ASZ1: variants seen among roughly 807,000 people sequenced by gnomAD.
ASZ1 encodes the protein ankyrin repeat, SAM and basic leucine zipper domain-containing protein 1.
ASZ1 carries 67 observed loss-of-function variants against 61.8 expected under a neutral mutation model. The ratio of observed to expected loss-of-function variants is 1.08; its 90% CI spans 0.89 to 1.33. The LOEUF is 1.33. Among genes scored for constraint, ASZ1 ranks in the 40% most tolerant of loss-of-function variants. ASZ1 has a pLI of 0.00. For synonymous variants in ASZ1, 193 were observed against 192.7 expected (o/e 1.00, Z -0.01); for missense variants, 577 against 554.5 (o/e 1.04, Z -0.41).
At position 117,383,083 on chromosome 7, in the gene ASZ1, T is replaced by A; in HGVS notation, c.715A>T (p.Asn239Tyr). The stretch of plus-strand genomic sequence containing the variant: ...TGTTGAAGTTTTCCTTCCAATGGAT[T>A]TAAAGTAAAAGAAAGTAAGTTGAAG... ...EIFNLLSFTL[N>Y]PLEGKLQQLT... The change falls in exon 7 of 13, where the codon AAT (asparagine) becomes TAT (tyrosine). Residue 239 changes from asparagine to tyrosine, a missense_variant. By Grantham distance (143) the Asn-to-Tyr change is moderately radical. Transcript: ENST00000284629. 1 of 1,574,190 alleles carries A rather than the reference T, an allele frequency of 6.4e-7. No individual in the cohort carries two copies.
At chr7:117,390,154 G>A (rs111549250) in intron 4 of ASZ1, among the ~76,000 whole-genome samples, 3 of 147,928 alleles carry the variant, frequency 2.0e-5, no homozygotes, top group African/African-American at 7.7e-5. Flanking sequence ...ACATAGGTTG[G>A]TTCTATATCT....
intron 4 of ASZ1, among the ~76,000 whole-genome samples, chr7:117,389,796 A>G (rs1266479934): frequency 6.6e-6 from 1 of 152,194 alleles, no homozygotes; most frequent in East Asian, 1.9e-4. Context: ...GAGCCTGGCC[A>G]TTCTCCAATT....
At chr7:117,363,896 A>G in intron 12 of ASZ1, 148 bp from the exon 13 acceptor site, 1 of 573,138 alleles carries the variant, frequency 1.7e-6, no homozygotes, top group Non-Finnish European at 2.7e-6. Flanking sequence ...GGAAGATTTA[A>G]AGTAAACATA....
intron 12 of ASZ1, 71 bp downstream of exon 12, chr7:117,367,281 C>T (rs1795959971): frequency 9.3e-6 from 11 of 1,176,558 alleles, no homozygotes; most frequent in Admixed American, 3.9e-5. Flanking sequence ...AGAACTGCTT[C>T]ATTGTCTAAC....
chr7:117,422,437 C>G, intron 2 of ASZ1, 78 bp from the exon 3 acceptor site: 1 of 1,471,142 alleles, frequency 6.8e-7, no homozygotes, highest in Non-Finnish European at 9.2e-7. Context: ...GCTTAAAGTA[C>G]TGTGTAAAGT....
At chr7:117,363,854 T>G (rs1002177958) in intron 12 of ASZ1, 106 bp from the exon 13 acceptor site, 1 of 949,738 alleles carries the variant, frequency 1.1e-6, no homozygotes, top group East Asian at 3.1e-5. Flanking sequence ...TCATTTCACT[T>G]GATTTAGATG....
chr7:117,384,651 A>G (rs1233896943), intron 6 of ASZ1, 75 bp downstream of exon 6: 2 of 1,457,666 alleles, frequency 1.4e-6, no homozygotes, highest in African/African-American at 2.9e-5. Context: ...TAATTCTAAC[A>G]GAATAATACA....
intron 10 of ASZ1, among the ~76,000 whole-genome samples, chr7:117,369,034 ATTT>A (rs1363710161): frequency 6.6e-6 from 1 of 152,146 alleles, no homozygotes; most frequent in Non-Finnish European, 1.5e-5. Flanking sequence ...TGTACTAGTT[ATTT>A]TACATTTGTT....
At chr7:117,405,742 T>C (rs1192888042) in intron 4 of ASZ1, among the ~76,000 whole-genome samples, 1 of 152,150 alleles carries the variant, frequency 6.6e-6, no homozygotes, top group Non-Finnish European at 1.5e-5. Flanking sequence ...GATAGCACCA[T>C]GTTTGAGAGG....
chr7:117,405,880 G>T (rs1796773120), intron 4 of ASZ1, among the ~76,000 whole-genome samples: 1 of 152,208 alleles, frequency 6.6e-6, no homozygotes, highest in African/African-American at 2.4e-5. Context: ...AAGTTACACA[G>T]AATTTTTACT....
At chr7:117,425,028 C>G (rs1227080891) in intron 2 of ASZ1, among the ~76,000 whole-genome samples, 1 of 152,128 alleles carries the variant, frequency 6.6e-6, no homozygotes, top group African/African-American at 2.4e-5. Flanking sequence ...GTCAAGGTTA[C>G]AAAGCCATCA....
intron 4 of ASZ1, among the ~76,000 whole-genome samples, chr7:117,401,298 G>C (rs1189364414): frequency 6.6e-6 from 1 of 150,662 alleles, no homozygotes; most frequent in African/African-American, 2.4e-5. Context: ...CCAAACTAAT[G>C]AAATACATCA....
intron 4 of ASZ1, among the ~76,000 whole-genome samples, chr7:117,396,769 G>C (rs1796582280): frequency 6.6e-6 from 1 of 152,114 alleles, no homozygotes. Context: ...TTCAGAATCA[G>C]TGTTATGTTT....
intron 4 of ASZ1, among the ~76,000 whole-genome samples, chr7:117,387,344 C>A (rs1796380010): frequency 6.6e-6 from 1 of 151,212 alleles, no homozygotes; most frequent in Non-Finnish European, 1.5e-5. Flanking sequence ...ACAACAACAA[C>A]AACGCCACCC....
chr7:117,419,901 A>G (rs1797067331), intron 4 of ASZ1, among the ~76,000 whole-genome samples: 1 of 152,228 alleles, frequency 6.6e-6, no homozygotes. Context: ...GATTCACAAG[A>G]AAAGATACTA....
At chr7:117,385,665 A>C in intron 5 of ASZ1, 33 bp downstream of exon 5, 2 of 1,504,524 alleles carry the variant, frequency 1.3e-6, no homozygotes, top group Non-Finnish European at 1.8e-6. Flanking sequence ...TAATAACAGA[A>C]ACAAAAAGAA....
At chr7:117,367,751 AATG>A (rs1359896235) in intron 11 of ASZ1, 3 of 963,820 alleles carry the variant, frequency 3.1e-6, no homozygotes, top group Non-Finnish European at 2.5e-6. Context: ...AGGTTTTAAA[AATG>A]ATGATTCTCA....
chr7:117,398,543 T>G (rs1706824313), intron 4 of ASZ1, among the ~76,000 whole-genome samples: 1 of 152,230 alleles, frequency 6.6e-6, no homozygotes, highest in Non-Finnish European at 1.5e-5. Context: ...GCAGGTATAG[T>G]GCTGATGAAA....
At chr7:117,404,417 C>CTTT (rs57876175) in intron 4 of ASZ1, among the ~76,000 whole-genome samples, 7 of 130,570 alleles carry the variant, frequency 5.4e-5, no homozygotes, top group African/African-American at 1.6e-4. Context: ...TGACTGTTTC[C>CTTT]TTTTTTTTTT....
Sources: allele counts gnomAD v4.1 joint callset (sites outside exome capture counted in the v4.1 genomes callset), GRCh38; gene constraint gnomAD v4.1.1; transcripts MANE v1.5; gene names NCBI Gene and HGNC (gene_info 2026-07-23, HGNC 2026-07-21).